The following ALMS1 variants were observed in gnomAD, a reference collection of about 807,000 sequenced individuals.
ALMS1 encodes the protein ALMS1 centrosome and basal body associated protein.
In ALMS1, 271 loss-of-function variants were observed where a neutral mutation model predicts 352.2. That is an observed-to-expected ratio of 0.77 (90% CI 0.70 to 0.85). The LOEUF (loss-of-function observed/expected upper bound fraction) is 0.85. ALMS1 is among the 40% of genes least tolerant of loss of function. The probability of loss-of-function intolerance (pLI) is 0.00; values close to 1 mark genes in which losing one functional copy is unlikely to be tolerated. For missense variants in ALMS1, 5,445 were observed against 4,870.7 expected, an observed-to-expected ratio of 1.12 and a Z score of -3.51; for synonymous variants, 1,865 against 1,761.2, an observed-to-expected ratio of 1.06 and a Z score of -1.48.
chr2:73,451,011 T>G lies in ALMS1; in HGVS notation c.4484T>G (p.Leu1495Arg), dbSNP rs775105462. 9.3e-6 allele frequency: 15 copies of G among 1,613,822 alleles called. No homozygotes were observed. Among genetic ancestry groups the G allele is most frequent in the African/African-American group, 1.3e-5 (1 of 74,866 alleles). ...AAACAGGCCTTTCCAGAGGGTCATC[T>G]ACCTGAAGAGTCTCTGAAAGTTTCA... ...IYKQAFPEGH[L>R]PEESLKVSVA... Residue 1495 changes from leucine (L) to arginine (R), a missense_variant, in exon 8 of 23, where the codon CTA (leucine) becomes CGA (arginine). Coordinates refer to ENST00000613296, the MANE Select transcript of ALMS1 (RefSeq NM_001378454.1).
rs771367971 is a variant in ALMS1, at chr2:73,490,268, C to A, written c.8309C>A (p.Ser2770Tyr). 15 of 1,613,790 alleles carry A rather than the reference C, an allele frequency of 9.3e-6. No homozygotes were observed. Among genetic ancestry groups the A allele is most frequent in the Non-Finnish European group, 9.3e-6 (11 of 1,179,970 alleles). The change falls in exon 10 of 23, where the codon TCC becomes TAC. Residue 2770 changes from serine (S) to tyrosine (Y), a missense_variant. Transcript: ENST00000613296. ...PPRDLKQKTS[S>Y]PSSFKMHSNS... ...AGAGATCTTAAACAGAAAACCTCTT[C>A]CCCTTCATCATTTAAAATGCATAGT...
At chr2:73,602,440 C>T (rs1267569716) in intron 20 of ALMS1, 72 bp downstream of exon 20, 2 of 1,573,096 alleles carry the variant, frequency 1.3e-6, no homozygotes, top group Non-Finnish European at 1.7e-6. Context: ...CTGCAGAGCC[C>T]TGCTAAAGGC....
chr2:73,445,364 C>T (rs1028711721), intron 7 of ALMS1, among the ~76,000 whole-genome samples: 14 of 152,008 alleles, frequency 9.2e-5, no homozygotes, highest in African/African-American at 3.1e-4. Context: ...CATTTTTGTA[C>T]CCATTAACCA....
intron 16 of ALMS1, among the ~76,000 whole-genome samples, chr2:73,593,638 T>A (rs1202865621): frequency 2.0e-5 from 3 of 152,254 alleles, no homozygotes; most frequent in African/African-American, 7.2e-5. Context: ...TTAATGGGTC[T>A]TGATTTAGTC....
intron 16 of ALMS1, among the ~76,000 whole-genome samples, chr2:73,580,352 C>T (rs571178952): frequency 1.2e-4 from 19 of 152,330 alleles, no homozygotes; most frequent in African/African-American, 4.6e-4. Flanking sequence ...TGGTATTGGA[C>T]TGCTCTAGTG....
At chr2:73,477,845 A>G (rs1672614219) in intron 9 of ALMS1, among the ~76,000 whole-genome samples, 1 of 152,208 alleles carries the variant, frequency 6.6e-6, no homozygotes, top group South Asian at 2.1e-4. Flanking sequence ...TGCTGAACTT[A>G]TTAGTCTTAA....
intron 7 of ALMS1, 114 bp from the exon 8 acceptor site, chr2:73,447,846 C>T: frequency 2.3e-6 from 3 of 1,329,880 alleles, no homozygotes; most frequent in Non-Finnish European, 3.0e-6. Flanking sequence ...ATGGCTGTTT[C>T]CTTAGGATTC....
chr2:73,599,141 T>G (rs1675616809), intron 16 of ALMS1, among the ~76,000 whole-genome samples: 1 of 152,232 alleles, frequency 6.6e-6, no homozygotes, highest in South Asian at 2.1e-4. Flanking sequence ...AGCATTCTCT[T>G]CAGAGTTTTT....
At chr2:73,570,544 G>A (rs1674905547) in intron 15 of ALMS1, among the ~76,000 whole-genome samples, 1 of 152,126 alleles carries the variant, frequency 6.6e-6, no homozygotes, top group African/African-American at 2.4e-5. Flanking sequence ...TTAGAAGCTT[G>A]GCTATGAAGA....
intron 9 of ALMS1, among the ~76,000 whole-genome samples, chr2:73,466,503 A>C (rs1475126057): frequency 4.2e-4 from 7 of 16,566 alleles, no homozygotes; most frequent in East Asian, 2.7e-3. Flanking sequence ...GGGAGGGGGG[A>C]GGGGGGAGGG....
At chr2:73,518,675 G>T (rs939873018) in intron 10 of ALMS1, among the ~76,000 whole-genome samples, 13 of 152,058 alleles carry the variant, frequency 8.5e-5, no homozygotes, top group African/African-American at 3.1e-4. Flanking sequence ...ATGTGAAATG[G>T]TATCTCATTG....
chr2:73,472,850 C>T (rs1279697280), intron 9 of ALMS1, among the ~76,000 whole-genome samples: 2 of 152,036 alleles, frequency 1.3e-5, no homozygotes, highest in Non-Finnish European at 2.9e-5. Flanking sequence ...TTTTGTTTTA[C>T]ACAGCTCAGA....
chr2:73,439,028 CTT>C (rs1295908605), intron 7 of ALMS1, among the ~76,000 whole-genome samples: 2 of 148,888 alleles, frequency 1.3e-5, no homozygotes, highest in Non-Finnish European at 3.0e-5. Flanking sequence ...TCCTTTTTTT[CTT>C]CTTTTTTCTT....
intron 11 of ALMS1, among the ~76,000 whole-genome samples, chr2:73,532,587 G>A (rs1324315629): frequency 6.6e-6 from 1 of 151,950 alleles, no homozygotes; most frequent in Non-Finnish European, 1.5e-5. Context: ...CGTCACCTTG[G>A]GTGAATGCTT....
At chr2:73,412,795 CAAAAACA>C (rs1378742487) in intron 2 of ALMS1, among the ~76,000 whole-genome samples, 5 of 151,492 alleles carry the variant, frequency 3.3e-5, no homozygotes, top group South Asian at 4.2e-4. Flanking sequence ...GACTCTGTCT[CAAAAACA>C]AAAAACAAAA....
chr2:73,555,889 G>C (rs568845145), intron 13 of ALMS1, among the ~76,000 whole-genome samples: 1 of 152,102 alleles, frequency 6.6e-6, no homozygotes, highest in Admixed American at 6.6e-5. Context: ...GTCATGGTGC[G>C]TAAAGGTACA....
intron 17 of ALMS1, 73 bp from the exon 18 acceptor site, chr2:73,600,605 G>C (rs1445256547): frequency 1.5e-6 from 2 of 1,372,986 alleles, no homozygotes; most frequent in African/African-American, 2.9e-5. Context: ...AAGGGTTCAC[G>C]TACTCACTTG....
chr2:73,480,210 A>T (rs575799510), intron 9 of ALMS1, among the ~76,000 whole-genome samples: 1 of 151,902 alleles, frequency 6.6e-6, no homozygotes, highest in Admixed American at 6.6e-5. Context: ...ATATCTCCTA[A>T]TGCTATCCGT....
chr2:73,600,774 A>G lies in ALMS1; in HGVS notation c.11765A>G (p.Asn3922Ser), dbSNP rs199874928. 232 of 1,614,248 alleles carry G rather than the reference A, an allele frequency of 1.4e-4. No homozygotes were observed. The African/African-American group carries it at 2.8e-3, about 19-fold the overall frequency. Residue 3922 changes from asparagine (N) to serine (S), a missense_variant, in exon 18 of 23, where the codon AAC becomes AGC. By Grantham distance (46) the Asn-to-Ser change is conservative. Transcript: ENST00000613296. The stretch of plus-strand genomic sequence containing the variant: ...TCCAGCGAGGCTAAATTGGAAGAGA[A>G]CAGTGATGTGACTTCTTGGTCAGAA... ...PSSSEAKLEE[N>S]SDVTSWSEEK... is the part of the protein sequence containing the mutation.
Sources: gnomAD v4.1 joint callset for allele counts (sites outside exome capture counted in the v4.1 genomes callset) on GRCh38, gnomAD v4.1.1 for gene constraint, MANE v1.5 for transcripts, NCBI Gene and HGNC (gene_info 2026-07-23, HGNC 2026-07-21) for gene names.